Variants in NAALADL2 observed in about 807,000 individuals in gnomAD.
The protein encoded by NAALADL2 is N-acetylated alpha-linked acidic dipeptidase like 2, also known as inactive N-acetylated-alpha-linked acidic dipeptidase-like protein 2.
A neutral mutation model predicts 87.2 loss-of-function variants in NAALADL2; 76 were observed. The observed-to-expected ratio is 0.87, with a 90% CI of 0.72 to 1.05. The LOEUF (loss-of-function observed/expected upper bound fraction) is 1.05. NAALADL2 is among the 50% of genes least tolerant of loss of function. The probability of loss-of-function intolerance (pLI) is 0.00; values close to 1 mark genes in which losing one functional copy is unlikely to be tolerated. For missense variants in NAALADL2, 1,089 were observed against 945.8 expected, an observed-to-expected ratio of 1.15 and a Z score of -1.99; for synonymous variants, 354 against 331.0, an observed-to-expected ratio of 1.07 and a Z score of -0.75.
At chr3:174,945,243 C>A (rs1203106866) in intron 1 of NAALADL2, among the ~76,000 whole-genome samples, 1 of 152,134 alleles carries the variant, frequency 6.6e-6, no homozygotes, top group Non-Finnish European at 1.5e-5. Flanking sequence ...CAAATTTAAT[C>A]CTTATAACTA....
intron 1 of NAALADL2, among the ~76,000 whole-genome samples, chr3:174,935,408 GA>G (rs952235533): frequency 1.3e-5 from 2 of 151,970 alleles, no homozygotes; most frequent in East Asian, 1.9e-4. Flanking sequence ...CAATTAAAAA[GA>G]AAAAAACAAA....
intron 1 of NAALADL2, among the ~76,000 whole-genome samples, chr3:175,062,548 A>G (rs1713735069): frequency 6.6e-6 from 1 of 150,522 alleles, no homozygotes; most frequent in African/African-American, 2.4e-5. Context: ...ATGACATTTG[A>G]AATGCCCAGC....
At chr3:175,470,627 G>C (rs1724720566) in intron 8 of NAALADL2, among the ~76,000 whole-genome samples, 1 of 152,012 alleles carries the variant, frequency 6.6e-6, no homozygotes, top group Non-Finnish European at 1.5e-5. Context: ...TAATCTTTTA[G>C]GACATTTCTG....
intron 1 of NAALADL2, among the ~76,000 whole-genome samples, chr3:174,456,117 C>G (rs1306076479): frequency 2.0e-5 from 3 of 151,934 alleles, no homozygotes; most frequent in Non-Finnish European, 4.4e-5. Context: ...ACAGTTGCCA[C>G]AAAAAGAATA....
At chr3:175,125,004 T>C (rs896802672) in intron 2 of NAALADL2, among the ~76,000 whole-genome samples, 86 of 151,714 alleles carry the variant, frequency 5.7e-4, no homozygotes, top group African/African-American at 2.0e-3. Context: ...AGAAAAATAA[T>C]AGGGAGAAGT....
intron 2 of NAALADL2, among the ~76,000 whole-genome samples, chr3:175,142,041 A>C (rs1730074960): frequency 1.3e-5 from 2 of 152,072 alleles, no homozygotes; most frequent in Admixed American, 1.3e-4. Flanking sequence ...GAGTTCCAGA[A>C]GTCTTATTCT....
At chr3:175,439,606 T>C (rs1719351369) in intron 5 of NAALADL2, among the ~76,000 whole-genome samples, 1 of 152,070 alleles carries the variant, frequency 6.6e-6, no homozygotes, top group African/African-American at 2.4e-5. Context: ...ATGTTGAGCA[T>C]TTTTTCATGT....
chr3:174,610,842 G>T (rs931685150), intron 2 of NAALADL2, among the ~76,000 whole-genome samples: 1 of 152,112 alleles, frequency 6.6e-6, no homozygotes, highest in Non-Finnish European at 1.5e-5. Context: ...TATAAATCAT[G>T]CTGCTATAAA....
At chr3:174,987,813 T>TTATATATATATATAA (rs1746163501) in intron 1 of NAALADL2, among the ~76,000 whole-genome samples, 1 of 116,904 alleles carries the variant, frequency 8.6e-6, no homozygotes, top group African/African-American at 5.4e-5. Context: ...TATATATAAT[T>TTATATATATATATAA]ATATATATAT....
chr3:175,407,749 G>A (rs1395345083), intron 5 of NAALADL2, among the ~76,000 whole-genome samples: 2 of 152,162 alleles, frequency 1.3e-5, no homozygotes, highest in East Asian at 3.9e-4. Context: ...CAGGATGCAT[G>A]AAACTGGGTA....
At chr3:175,106,625 G>A (rs114429992) in intron 2 of NAALADL2, among the ~76,000 whole-genome samples, 2,208 of 152,056 alleles carry the variant, frequency 0.015, 47 homozygotes, top group African/African-American at 0.05. Context: ...TAGAAAAGTT[G>A]GTAATGATCA....
At chr3:175,480,572 T>G (rs1726310995) in intron 9 of NAALADL2, among the ~76,000 whole-genome samples, 1 of 151,950 alleles carries the variant, frequency 6.6e-6, no homozygotes, top group Admixed American at 6.6e-5. Flanking sequence ...CAGAATTATT[T>G]ACTTTGAAAT....
chr3:174,885,918 T>A, intron 1 of NAALADL2, among the ~76,000 whole-genome samples: 1 of 53,682 alleles, frequency 1.9e-5, no homozygotes, highest in Non-Finnish European at 3.4e-5. Flanking sequence ...TTTTTTTTTT[T>A]TTTTTTTTTT....
chr3:174,696,878 AAAT>A (rs1388076950), intron 2 of NAALADL2, among the ~76,000 whole-genome samples: 15 of 152,112 alleles, frequency 9.9e-5, no homozygotes, highest in African/African-American at 3.6e-4. Flanking sequence ...AGCATTATAA[AAAT>A]AGCCGTTCTT....
At chr3:175,628,876 T>A (rs1327625716) in intron 11 of NAALADL2, among the ~76,000 whole-genome samples, 1 of 150,232 alleles carries the variant, frequency 6.7e-6, no homozygotes, top group Non-Finnish European at 1.5e-5. Context: ...TTCCAAACCT[T>A]TAAAATAAAA....
chr3:175,428,188 G>A (rs1230584265), intron 5 of NAALADL2, among the ~76,000 whole-genome samples: 1 of 151,986 alleles, frequency 6.6e-6, no homozygotes, highest in Non-Finnish European at 1.5e-5. Flanking sequence ...AGTACTTGAT[G>A]GCATACAGCT....
chr3:174,814,768 C>T (rs189425532), intron 3 of NAALADL2, among the ~76,000 whole-genome samples: 1 of 152,114 alleles, frequency 6.6e-6, no homozygotes, highest in Non-Finnish European at 1.5e-5. Context: ...TACATATAAA[C>T]CACATGGCCT....
At chr3:174,783,035 T>C (rs1302598348) in intron 3 of NAALADL2, among the ~76,000 whole-genome samples, 1 of 152,188 alleles carries the variant, frequency 6.6e-6, no homozygotes, top group African/African-American at 2.4e-5. Flanking sequence ...TTCTATTTTC[T>C]AGGTTGCATC....
intron 11 of NAALADL2, among the ~76,000 whole-genome samples, chr3:175,672,533 AAGAC>A (rs1734143221): frequency 6.6e-6 from 1 of 152,124 alleles, no homozygotes; most frequent in Non-Finnish European, 1.5e-5. Flanking sequence ...GCTTTAGAAA[AAGAC>A]AGGGAAAGTA....
Sources: allele counts gnomAD v4.1 joint callset (sites outside exome capture counted in the v4.1 genomes callset), GRCh38; gene constraint gnomAD v4.1.1; transcripts MANE v1.5; gene names NCBI Gene and HGNC (gene_info 2026-07-23, HGNC 2026-07-21).